TYW1: variants seen among roughly 807,000 people sequenced by gnomAD.
TYW1 encodes the protein tRNA-yW synthesizing protein 1 homolog.
Under a neutral mutation model 96.2 loss-of-function variants are expected in TYW1, and 46 were observed. The ratio of observed to expected loss-of-function variants is 0.48; its 90% CI spans 0.38 to 0.61. The LOEUF is 0.61. TYW1 is among the 20% of genes least tolerant of loss of function. The pLI, the probability that TYW1 is intolerant of heterozygous loss-of-function variation, is 0.00. For synonymous variants in TYW1, 274 were observed against 323.0 expected, an observed-to-expected ratio of 0.85 and a Z score of 1.63; for missense variants, 684 against 909.6, an observed-to-expected ratio of 0.75 and a Z score of 3.19.
chr7:67,191,575 T>G (rs1800219686), intron 14 of TYW1, among the ~76,000 whole-genome samples: 2 of 133,408 alleles, frequency 1.5e-5, no homozygotes, highest in Non-Finnish European at 3.2e-5. Flanking sequence ...TGAGAGTGGG[T>G]GAGAAGGTGG....
At chr7:67,199,894 C>A (rs1161782122) in intron 15 of TYW1, among the ~76,000 whole-genome samples, 1 of 148,594 alleles carries the variant, frequency 6.7e-6, no homozygotes, top group East Asian at 2.0e-4. Context: ...AGAGCGAGAA[C>A]CCATCAAGAA....
At chr7:67,012,476 G>A (rs1295475029) in intron 4 of TYW1, among the ~76,000 whole-genome samples, 1 of 152,122 alleles carries the variant, frequency 6.6e-6, no homozygotes, top group Non-Finnish European at 1.5e-5. Context: ...AAATGTACTG[G>A]TGTGCACATG....
At chr7:67,046,433 C>G (rs1458110342) in intron 7 of TYW1, among the ~76,000 whole-genome samples, 1 of 152,100 alleles carries the variant, frequency 6.6e-6, no homozygotes, top group Non-Finnish European at 1.5e-5. Flanking sequence ...CCAGATTGGG[C>G]TAGTTATGTG....
chr7:67,011,851 C>T (rs536690018), intron 4 of TYW1, among the ~76,000 whole-genome samples: 64 of 143,612 alleles, frequency 4.5e-4, no homozygotes, highest in Non-Finnish European at 7.7e-4. Context: ...CTAGCCTGGG[C>T]GACAAAAGCA....
At chr7:67,228,077 T>A (rs34145957) in intron 15 of TYW1, among the ~76,000 whole-genome samples, 40,764 of 152,100 alleles carry the variant, frequency 0.27, 5,828 homozygotes, top group African/African-American at 0.36. Context: ...GGAGTAGCTC[T>A]GTTTTCTGGG....
intron 12 of TYW1, among the ~76,000 whole-genome samples, chr7:67,105,423 G>C (rs6945287): frequency 0.5 from 75,790 of 152,096 alleles, 19,781 homozygotes; most frequent in African/African-American, 0.66. Flanking sequence ...CTCAAGCCCT[G>C]CGTTGATAAG....
intron 9 of TYW1, among the ~76,000 whole-genome samples, chr7:67,060,234 C>A (rs1795655113): frequency 6.6e-6 from 1 of 151,924 alleles, no homozygotes; most frequent in African/African-American, 2.4e-5. Context: ...TGCCACCACT[C>A]CCAACTAATT....
At chr7:67,151,584 A>C (rs949411501) in intron 13 of TYW1, among the ~76,000 whole-genome samples, 7 of 152,132 alleles carry the variant, frequency 4.6e-5, no homozygotes, top group Non-Finnish European at 1.0e-4. Flanking sequence ...ACATAGAGGA[A>C]TATATCTACA....
chr7:67,089,302 A>G lies in TYW1; in HGVS notation c.1384+5763A>G, dbSNP rs1796642351. 5.7e-6 allele frequency: 8 copies of G among 1,391,880 alleles called. No individual in the cohort carries two copies. In the African/African-American group the frequency reaches 8.6e-5, roughly 15 times the overall value. The allele number at this position is 1,391,880 out of a possible 1,614,324, so 86.2% of individuals were successfully genotyped here. Reference sequence around the variant, plus strand: ...CAGGCTCCTTGTCCCCTCGGGACCCAGGCTCCTCTGCCTTTTGGGAGGGCC... The same window carrying G: ...CAGGCTCCTTGTCCCCTCGGGACCCGGGCTCCTCTGCCTTTTGGGAGGGCC... On this transcript the variant is annotated intron_variant, in intron 11 of 15. Transcript: ENST00000359626.
intron 9 of TYW1, among the ~76,000 whole-genome samples, chr7:67,060,967 C>T (rs1584513377): frequency 2.0e-5 from 3 of 152,160 alleles, no homozygotes. Context: ...GTTGTTCACA[C>T]CTGAAATCCC....
chr7:67,214,182 T>A (rs1166537803), intron 15 of TYW1, among the ~76,000 whole-genome samples: 8 of 152,232 alleles, frequency 5.3e-5, no homozygotes, highest in East Asian at 1.9e-4. Context: ...TGATTTTTTT[T>A]AATCAGACTT....
At chr7:67,009,938 T>C (rs1431764412) in intron 4 of TYW1, among the ~76,000 whole-genome samples, 1 of 151,978 alleles carries the variant, frequency 6.6e-6, no homozygotes, top group African/African-American at 2.4e-5. Context: ...TGAGAAAGCT[T>C]GGGTGGTTGG....
intron 13 of TYW1, among the ~76,000 whole-genome samples, chr7:67,138,030 T>C (rs1165243918): frequency 6.6e-6 from 1 of 152,192 alleles, no homozygotes; most frequent in Admixed American, 6.5e-5. Context: ...CTCTTGTTAA[T>C]GCTTAAAGTG....
chr7:67,077,582 A>G (rs1796245642), intron 10 of TYW1, among the ~76,000 whole-genome samples: 1 of 151,944 alleles, frequency 6.6e-6, no homozygotes, highest in South Asian at 2.1e-4. Flanking sequence ...TAAAAATCAG[A>G]TTATTTGTGG....
At chr7:67,027,847 G>A (rs1402878905) in intron 7 of TYW1, among the ~76,000 whole-genome samples, 2 of 150,726 alleles carry the variant, frequency 1.3e-5, no homozygotes, top group East Asian at 1.9e-4. Context: ...AGAGAATGGC[G>A]TGAACCCGGG....
At chr7:67,026,288 G>T (rs530304159) in intron 7 of TYW1, among the ~76,000 whole-genome samples, 1 of 152,226 alleles carries the variant, frequency 6.6e-6, no homozygotes, top group South Asian at 2.1e-4. Context: ...GGCCAGGCTG[G>T]TCTCGAACTC....
At chr7:66,999,521 T>A (rs567417984) in intron 3 of TYW1, among the ~76,000 whole-genome samples, 1 of 152,014 alleles carries the variant, frequency 6.6e-6, no homozygotes, top group East Asian at 1.9e-4. Flanking sequence ...CCTGGCTAAT[T>A]TTTGTATTTT....
chr7:67,189,461 GTT>G (rs1800139932), intron 14 of TYW1, among the ~76,000 whole-genome samples: 1 of 151,996 alleles, frequency 6.6e-6, no homozygotes, highest in Non-Finnish European at 1.5e-5. Flanking sequence ...GTGTGTTTGT[GTT>G]TGTGTGTGTC....
At chr7:66,997,003 A>G (rs1440277196) in intron 1 of TYW1, 21 bp downstream of exon 1, 52 of 1,613,940 alleles carry the variant, frequency 3.2e-5, no homozygotes, top group Non-Finnish European at 4.3e-5. Context: ...TCGGCGGGCA[A>G]GGACCCTGGG....
Sources: allele counts gnomAD v4.1 joint callset (sites outside exome capture counted in the v4.1 genomes callset), GRCh38; gene constraint gnomAD v4.1.1; transcripts MANE v1.5; gene names NCBI Gene and HGNC (gene_info 2026-07-23, HGNC 2026-07-21).